ERCC6L2: variants seen among roughly 807,000 people sequenced by gnomAD.
ERCC6L2 encodes the protein ERCC excision repair 6 like 2.
In ERCC6L2, 77 loss-of-function variants were observed where a neutral mutation model predicts 132.0. The observed-to-expected ratio is 0.58, with a 90% confidence interval of 0.49 to 0.71. The LOEUF (loss-of-function observed/expected upper bound fraction) is 0.71, where lower values mean the gene tolerates loss of function less well. Among genes scored for constraint, ERCC6L2 ranks in the 30% least tolerant of loss-of-function variants. The probability of loss-of-function intolerance (pLI) is 0.00; values close to 1 mark genes in which losing one functional copy is unlikely to be tolerated. For missense variants in ERCC6L2, 1,542 were observed against 1,837.6 expected, an observed-to-expected ratio of 0.84 and a Z score of 2.94; for synonymous variants, 583 against 632.4, an observed-to-expected ratio of 0.92 and a Z score of 1.17.
Position 96,015,040 on chromosome 9 carries a change from T to TTTTTTTTTTTTTC in ERCC6L2, c.*1837_*1838insTTTTTTTTTTTTC, listed in dbSNP as rs1834155990. On this transcript the variant is annotated 3_prime_UTR_variant, in exon 19 of 19. Transcript: ENST00000653738. ...GTTTTTTTTTTTTTTTTTTTTTTTT[T>TTTTTTTTTTTTTC]GAGATTGAGTCTCACTCTGTCACCC... 6.9e-6 allele frequency among the ~76,000 whole-genome samples: 1 copy of TTTTTTTTTTTTTC among 144,486 alleles called. No homozygotes were observed. The highest frequency in any genetic ancestry group is 1.5e-5 in the Non-Finnish European group (1 of 66,230). 94.8% of individuals were successfully genotyped at this position (144,486 alleles called of 152,430 possible).
At chr9:95,987,327 C>G (rs56087522) in intron 17 of ERCC6L2, among the ~76,000 whole-genome samples, 21,693 of 152,222 alleles carry the variant, frequency 0.14, 1,645 homozygotes, top group Admixed American at 0.19. Flanking sequence ...AAGGCAAGTC[C>G]TTTCTGCCTA....
In ERCC6L2 at chr9:95,916,301, G is replaced by GA. The variant is rs1172392907; in HGVS notation, c.1026dup (p.His343ThrfsTer40). ...TCTGACCCAGTAGAACATGGTCAGA[G>GA]ACACACGGCAACAAAGAGAGAACTA... On this transcript the variant is annotated frameshift_variant, in exon 6 of 19. Transcript: ENST00000653738. LOFTEE classifies it high-confidence loss of function. The GA allele has an allele frequency of 6.2e-7, 1 of 1,614,128 alleles. No individual in the cohort carries two copies. Among genetic ancestry groups the GA allele is most frequent in the East Asian group, 2.2e-5 (1 of 44,860 alleles).
chr9:96,003,811 T>C (rs1833771260), intron 17 of ERCC6L2, among the ~76,000 whole-genome samples: 1 of 152,250 alleles, frequency 6.6e-6, no homozygotes, highest in African/African-American at 2.4e-5. Context: ...TGTTAAATTG[T>C]ATTTAGTATT....
chr9:96,039,473 G>A (rs1166192742), intron 20 of ERCC6L2, among the ~76,000 whole-genome samples: 2 of 152,176 alleles, frequency 1.3e-5, no homozygotes, highest in South Asian at 2.1e-4. Flanking sequence ...TCAAGGTGTG[G>A]CAAAGTTTGG....
intron 2 of ERCC6L2, among the ~76,000 whole-genome samples, chr9:95,888,646 A>G (rs925787555): frequency 1.2e-4 from 18 of 152,178 alleles, no homozygotes; most frequent in Non-Finnish European, 1.5e-5. Context: ...CCCAAAATAC[A>G]TATTTCCTTT....
downstream of ERCC6L2, chr9:96,020,607 C>T (rs1221486754): frequency 2.6e-6 from 1 of 377,394 alleles, no homozygotes; most frequent in Non-Finnish European, 5.2e-6. Context: ...TAGAATGTCC[C>T]CTAGGTGGAC....
intron 19 of ERCC6L2, among the ~76,000 whole-genome samples, chr9:96,035,384 C>G (rs1588070437): frequency 6.6e-6 from 1 of 152,220 alleles, no homozygotes; most frequent in Non-Finnish European, 1.5e-5. Context: ...CACTTCCTCT[C>G]CTCTGAGGGC....
intron 2 of ERCC6L2, among the ~76,000 whole-genome samples, chr9:95,894,797 T>C (rs1391841020): frequency 1.3e-5 from 2 of 152,094 alleles, no homozygotes; most frequent in Non-Finnish European, 2.9e-5. Flanking sequence ...GATTTCACCA[T>C]GTTAGCCAGG....
chr9:95,997,359 A>G (rs1023176927), intron 17 of ERCC6L2, among the ~76,000 whole-genome samples: 1 of 152,248 alleles, frequency 6.6e-6, no homozygotes, highest in African/African-American at 2.4e-5. Flanking sequence ...AGAATTAGAA[A>G]TGGAGCCTGA....
chr9:95,907,046 A>G lies in ERCC6L2; in HGVS notation c.595-32A>G, dbSNP rs367824914. 570 of 1,556,066 alleles carry G rather than the reference A, an allele frequency of 3.7e-4. 1 individual carries two copies. Among genetic ancestry groups the G allele is most frequent in the Admixed American group, 1.4e-3 (69 of 48,968 alleles). On this transcript the variant is annotated intron_variant, in intron 3 of 18. Coordinates refer to ENST00000653738, the MANE Select transcript of ERCC6L2 (RefSeq NM_020207.7). ...TTTGGGATTCTTTTTCAGTTTTTAA[A>G]AAACAGCAAAATTTTTTTATTCTTG...
intron 4 of ERCC6L2, among the ~76,000 whole-genome samples, chr9:95,909,674 A>G (rs1220321189): frequency 6.6e-6 from 1 of 152,170 alleles, no homozygotes; most frequent in African/African-American, 2.4e-5. Flanking sequence ...CATTTCATCA[A>G]TATTCACATT....
chr9:95,984,629 G>T (rs1833027425), intron 17 of ERCC6L2, among the ~76,000 whole-genome samples: 1 of 151,940 alleles, frequency 6.6e-6, no homozygotes, highest in Non-Finnish European at 1.5e-5. Flanking sequence ...TTTTTATTAT[G>T]ATTATATACA....
chr9:96,036,300 C>T (rs1418290948), intron 19 of ERCC6L2, among the ~76,000 whole-genome samples: 1 of 152,160 alleles, frequency 6.6e-6, no homozygotes, highest in African/African-American at 2.4e-5. Context: ...CAGAATTTGT[C>T]CCTTTGTGTC....
Position 95,949,204 on chromosome 9 carries a change from G to A in ERCC6L2, c.1848-6710G>A, listed in dbSNP as rs538677643. Among the ~76,000 whole-genome samples the A allele has an allele frequency of 5.9e-5, 9 of 152,166 alleles. No individual in the cohort carries two copies. The East Asian group carries it at 1.7e-3, about 29-fold the overall frequency. The stretch of plus-strand genomic sequence containing the variant: ...TAATCTGAGGAGCAAAACAAAAAGG[G>A]GAAGTGAACATATAGGACACTATCA... On this transcript the variant is annotated intron_variant, in intron 12 of 18. Coordinates refer to ENST00000653738, the MANE Select transcript of ERCC6L2 (RefSeq NM_020207.7).
At chr9:95,956,644 C>G (rs1831616754) in intron 13 of ERCC6L2, among the ~76,000 whole-genome samples, 1 of 152,104 alleles carries the variant, frequency 6.6e-6, no homozygotes. Context: ...CCCTTCTTCA[C>G]AGGATGGCAG....
At chr9:95,924,759 G>A (rs188368328) in intron 9 of ERCC6L2, among the ~76,000 whole-genome samples, 1 of 152,182 alleles carries the variant, frequency 6.6e-6, no homozygotes, top group East Asian at 1.9e-4. Flanking sequence ...CTGATTAAGA[G>A]AATGATTAAA....
chr9:96,020,830 G>A (rs1228563256), downstream of ERCC6L2: 1 of 456,752 alleles, frequency 2.2e-6, no homozygotes, highest in Admixed American at 2.3e-5. Flanking sequence ...TCCCTTGGCC[G>A]TTAAAACCCC....
At position 95,875,994 on chromosome 9, in the gene ERCC6L2, TC is replaced by T; in HGVS notation, c.-43del. 1 of 1,563,662 alleles carries T rather than the reference TC, an allele frequency of 6.4e-7. No individual in the cohort carries two copies. Among genetic ancestry groups the T allele is most frequent in the Non-Finnish European group, 8.7e-7 (1 of 1,155,272 alleles). On this transcript the variant is annotated 5_prime_UTR_variant, in exon 1 of 19. Coordinates refer to ENST00000653738, the MANE Select transcript of ERCC6L2 (RefSeq NM_020207.7). The stretch of plus-strand genomic sequence containing the variant: ...GCCACCTTGCTGTCCTCCGCCGCCT[TC>T]CGGGTGTTACATGCAGCCGGGCTCG...
At chr9:96,037,409 A>G (rs1284559174) in intron 19 of ERCC6L2, among the ~76,000 whole-genome samples, 1 of 152,236 alleles carries the variant, frequency 6.6e-6, no homozygotes, top group African/African-American at 2.4e-5. Context: ...AAGGAGGGTG[A>G]CAGAGGCAAC....
Sources: gnomAD v4.1 joint callset for allele counts (sites outside exome capture counted in the v4.1 genomes callset) on GRCh38, gnomAD v4.1.1 for gene constraint, MANE v1.5 for transcripts, NCBI Gene and HGNC (gene_info 2026-07-23, HGNC 2026-07-21) for gene names.